The following LTBP1 variants were observed in gnomAD, a reference collection of about 807,000 sequenced individuals.
LTBP1 encodes the protein latent-transforming growth factor beta-binding protein 1.
LTBP1 carries 129 observed loss-of-function variants against 207.6 expected under a neutral mutation model. That is an observed-to-expected ratio of 0.62 (90% CI 0.54 to 0.72). The LOEUF is 0.72. Ranked by LOEUF, LTBP1 falls within the 30% of genes least tolerant of loss-of-function variation. The pLI is 0.00. For synonymous variants in LTBP1, 963 were observed against 833.7 expected (o/e 1.16, Z -2.67); for missense variants, 2,281 against 2,217.2 (o/e 1.03, Z -0.58).
intron 7 of LTBP1, among the ~76,000 whole-genome samples, chr2:33,195,191 G>A (rs2088408749): frequency 6.6e-6 from 1 of 152,178 alleles, no homozygotes; most frequent in Non-Finnish European, 1.5e-5. Context: ...GTAGCCCATG[G>A]ATCAAGGAGT....
At chr2:33,053,619 G>A (rs1244840338) in intron 3 of LTBP1, among the ~76,000 whole-genome samples, 3 of 151,664 alleles carry the variant, frequency 2.0e-5, no homozygotes, top group East Asian at 1.9e-4. Context: ...ATCCATAGTC[G>A]GCAAAAGCCA....
At chr2:33,368,275 T>C (rs1433226192) in intron 31 of LTBP1, among the ~76,000 whole-genome samples, 2 of 152,080 alleles carry the variant, frequency 1.3e-5, no homozygotes. Context: ...AGTATGGAGA[T>C]TTCTCAAAGA....
At chr2:32,974,999 T>C (rs1334385127) in intron 2 of LTBP1, among the ~76,000 whole-genome samples, 1 of 152,242 alleles carries the variant, frequency 6.6e-6, no homozygotes, top group Non-Finnish European at 1.5e-5. Context: ...AGTGTGTTTT[T>C]GTTGTGACCA....
chr2:33,219,601 A>G (rs1043417717), intron 8 of LTBP1, among the ~76,000 whole-genome samples: 1 of 151,946 alleles, frequency 6.6e-6, no homozygotes, highest in Admixed American at 6.6e-5. Context: ...AATATTGAGG[A>G]GGATGATATA....
chr2:33,118,203 A>C (rs988551577), intron 4 of LTBP1, among the ~76,000 whole-genome samples: 32 of 148,464 alleles, frequency 2.2e-4, no homozygotes, highest in Admixed American at 7.4e-4. Context: ...AAAAAAAAAA[A>C]CAAAAAAAAA....
intron 2 of LTBP1, among the ~76,000 whole-genome samples, chr2:32,955,104 C>T (rs1406192291): frequency 3.9e-5 from 6 of 152,200 alleles, no homozygotes; most frequent in Non-Finnish European, 7.4e-5. Flanking sequence ...CATCCCAAAT[C>T]ATGCTGATGG....
intron 19 of LTBP1, 96 bp downstream of exon 19, chr2:33,280,254 T>C: frequency 8.1e-7 from 1 of 1,234,330 alleles, no homozygotes; most frequent in South Asian, 2.2e-5. Flanking sequence ...TCTTTCAAAA[T>C]GAAAAAATGA....
chr2:33,188,049 T>A (rs1004271393), intron 6 of LTBP1, among the ~76,000 whole-genome samples: 21 of 152,234 alleles, frequency 1.4e-4, no homozygotes, highest in Admixed American at 6.5e-5. Context: ...GTTAAAAGTT[T>A]TAATTTCTCT....
intron 32 of LTBP1, among the ~76,000 whole-genome samples, chr2:33,392,087 A>G (rs1288322626): frequency 6.6e-6 from 1 of 152,164 alleles, no homozygotes; most frequent in African/African-American, 2.4e-5. Flanking sequence ...ATGGTTCACC[A>G]TCTCTGTTAC....
chr2:33,175,423 TC>T (rs1314266102), intron 5 of LTBP1, among the ~76,000 whole-genome samples: 1 of 151,914 alleles, frequency 6.6e-6, no homozygotes, highest in East Asian at 1.9e-4. Flanking sequence ...TCACTGGCCA[TC>T]AGAGAAATGC....
Position 32,947,429 on chromosome 2 carries a change from C to A in LTBP1, c.105C>A (p.Gly35=), listed in dbSNP as rs1035029580. ...GGATCACCTACGTGGTGCACCCGGG[C>A]CCCGGCCTGGCAGCCGGCGCCTTGC... The part of the protein sequence containing the change: ...LRRITYVVHP[G]PGLAAGALPL... Residue 35 remains glycine (G), a synonymous_variant, in exon 1 of 34, where the codon GGC becomes GGA. Transcript: ENST00000404816. The A allele has an allele frequency of 4.9e-6, 7 of 1,439,540 alleles. No homozygotes were observed. Among genetic ancestry groups the A allele is most frequent in the African/African-American group, 1.5e-5 (1 of 67,338 alleles). 89.2% of individuals were successfully genotyped at this position (1,439,540 alleles called of 1,614,324 possible).
chr2:33,034,971 G>A (rs1413237558), intron 3 of LTBP1, among the ~76,000 whole-genome samples: 2 of 152,172 alleles, frequency 1.3e-5, no homozygotes, highest in Non-Finnish European at 2.9e-5. Context: ...GCCAAAATTT[G>A]AAGAGGGGGG....
intron 2 of LTBP1, among the ~76,000 whole-genome samples, chr2:32,972,639 A>G (rs1296545398): frequency 6.6e-6 from 1 of 152,108 alleles, no homozygotes; most frequent in Non-Finnish European, 1.5e-5. Context: ...CCCCACATGT[A>G]GAGGGAGGGA....
Position 33,327,072 on chromosome 2 carries a change from G to A in LTBP1, c.3730+11803G>A, listed in dbSNP as rs139929511. Among the ~76,000 whole-genome samples, 8 of 152,160 alleles carry A rather than the reference G, an allele frequency of 5.3e-5. No homozygotes were observed. The East Asian group carries it at 1.2e-3, about 22-fold the overall frequency. On this transcript the variant is annotated intron_variant, in intron 24 of 33. Transcript: ENST00000404816. Reference sequence around the variant, plus strand: ...AACCATTTGCTGTTTATTTTTAAACGTTTGAAAGGACATGTGGAGTGGGGA... The same window carrying A: ...AACCATTTGCTGTTTATTTTTAAACATTTGAAAGGACATGTGGAGTGGGGA...
intron 7 of LTBP1, among the ~76,000 whole-genome samples, chr2:33,199,164 G>A (rs1184714730): frequency 2.0e-5 from 3 of 152,118 alleles, no homozygotes; most frequent in Non-Finnish European, 2.9e-5. Flanking sequence ...GTACCCAGTA[G>A]TCATTCAGGA....
intron 24 of LTBP1, among the ~76,000 whole-genome samples, chr2:33,341,081 T>A (rs2094613209): frequency 1.0e-5 from 1 of 97,298 alleles, no homozygotes; most frequent in African/African-American, 6.2e-5. Context: ...TCTTAATTGT[T>A]TCTCCAAATC....
At chr2:33,384,927 A>G (rs1006359947) in intron 31 of LTBP1, among the ~76,000 whole-genome samples, 1 of 152,132 alleles carries the variant, frequency 6.6e-6, no homozygotes, top group Non-Finnish European at 1.5e-5. Flanking sequence ...CCTAAAGAGG[A>G]TGACTTGCCC....
intron 33 of LTBP1, among the ~76,000 whole-genome samples, chr2:33,397,726 G>A (rs549348295): frequency 1.4e-5 from 2 of 141,358 alleles, no homozygotes; most frequent in Non-Finnish European, 3.0e-5. Context: ...ATTTCACCGT[G>A]TTAGCCAGGA....
intron 5 of LTBP1, among the ~76,000 whole-genome samples, chr2:33,172,902 C>T (rs1324045139): frequency 6.6e-6 from 1 of 152,086 alleles, no homozygotes; most frequent in Non-Finnish European, 1.5e-5. Context: ...TCCTGAATGA[C>T]TACTGGGTAC....
Sources: allele counts gnomAD v4.1 joint callset (sites outside exome capture counted in the v4.1 genomes callset), GRCh38; gene constraint gnomAD v4.1.1; transcripts MANE v1.5; gene names NCBI Gene and HGNC (gene_info 2026-07-23, HGNC 2026-07-21).